Variants in CTNNA2 observed in about 807,000 individuals in gnomAD.
The protein encoded by CTNNA2 is catenin alpha 2, also known as catenin alpha-2.
Under a neutral mutation model 101.0 loss-of-function variants are expected in CTNNA2, and 42 were observed. The observed-to-expected ratio is 0.42, with a 90% confidence interval of 0.32 to 0.54. CTNNA2 has a LOEUF of 0.54. Ranked by LOEUF, CTNNA2 falls within the 20% of genes least tolerant of loss-of-function variation. The pLI is 0.14. For synonymous variants in CTNNA2, 450 were observed against 456.4 expected (o/e 0.99, Z 0.18); for missense variants, 871 against 1,223.1 (o/e 0.71, Z 4.29).
chr2:79,906,182 C>A (rs1382556396), intron 6 of CTNNA2, among the ~76,000 whole-genome samples: 1 of 151,974 alleles, frequency 6.6e-6, no homozygotes, highest in African/African-American at 2.4e-5. Flanking sequence ...CATACTGTAC[C>A]GACCCATTCA....
At chr2:80,223,309 AG>A (rs1284878768) in intron 7 of CTNNA2, among the ~76,000 whole-genome samples, 3 of 152,198 alleles carry the variant, frequency 2.0e-5, no homozygotes, top group Non-Finnish European at 4.4e-5. Flanking sequence ...GGATAGAGGA[AG>A]GGAAGAGAGA....
At chr2:79,311,693 G>C (rs1676378550) in intron 2 of CTNNA2, among the ~76,000 whole-genome samples, 1 of 151,782 alleles carries the variant, frequency 6.6e-6, no homozygotes, top group Admixed American at 6.6e-5. Context: ...ACCCCCACTC[G>C]GTGCTCCCCA....
intron 9 of CTNNA2, among the ~76,000 whole-genome samples, chr2:80,424,006 A>G (rs1380375883): frequency 6.6e-6 from 1 of 151,810 alleles, no homozygotes; most frequent in Non-Finnish European, 1.5e-5. Flanking sequence ...CCTGGGCTGG[A>G]GTGCAGTGGC....
intron 7 of CTNNA2, among the ~76,000 whole-genome samples, chr2:80,281,835 T>C (rs1674406980): frequency 6.6e-6 from 1 of 152,130 alleles, no homozygotes; most frequent in East Asian, 1.9e-4. Flanking sequence ...TATTCTCTAG[T>C]ATATATGGTT....
At chr2:80,603,905 C>T (rs781424173) in intron 15 of CTNNA2, 169 bp from the exon 16 acceptor site, 49 of 515,966 alleles carry the variant, frequency 9.5e-5, no homozygotes, top group African/African-American at 1.8e-4. Context: ...TTTCCAAAAA[C>T]GACTACTAAT....
At chr2:80,067,305 CATATTTCAAAACATCATGTTTTATAT>C (rs1213051776) in intron 7 of CTNNA2, among the ~76,000 whole-genome samples, 12 of 152,126 alleles carry the variant, frequency 7.9e-5, no homozygotes, top group African/African-American at 2.4e-4. Context: ...ACAATGTATA[CATATTTCAAAACATCATGTTTTATAT>C]ATATTTCAAA....
intron 9 of CTNNA2, among the ~76,000 whole-genome samples, chr2:80,455,056 G>C (rs1182476798): frequency 5.5e-5 from 8 of 145,080 alleles, no homozygotes; most frequent in Non-Finnish European, 1.2e-4. Flanking sequence ...TGGACCAAAA[G>C]ACAAGTCCCT....
chr2:80,567,237 C>T (rs1329880214), intron 12 of CTNNA2, among the ~76,000 whole-genome samples: 1 of 125,094 alleles, frequency 8.0e-6, no homozygotes, highest in Non-Finnish European at 1.8e-5. Flanking sequence ...ATGATCATGA[C>T]ATTCGTTACT....
At chr2:80,100,996 G>A (rs1700509159) in intron 7 of CTNNA2, among the ~76,000 whole-genome samples, 1 of 152,126 alleles carries the variant, frequency 6.6e-6, no homozygotes, top group South Asian at 2.1e-4. Context: ...TTTCTCATAA[G>A]CCTCATTAAA....
At chr2:79,551,702 T>C (rs112402460) in intron 1 of CTNNA2, among the ~76,000 whole-genome samples, 2 of 152,110 alleles carry the variant, frequency 1.3e-5, no homozygotes, top group African/African-American at 4.8e-5. Context: ...ACATGAAGTA[T>C]GGCTAGGGAG....
chr2:79,411,061 C>A (rs1678404054), intron 4 of CTNNA2, among the ~76,000 whole-genome samples: 1 of 152,112 alleles, frequency 6.6e-6, no homozygotes, highest in Admixed American at 6.6e-5. Context: ...TTATCCATTT[C>A]TTCTAGATTT....
intron 18 of CTNNA2, among the ~76,000 whole-genome samples, chr2:80,638,324 TG>T (rs3836008): frequency 0.48 from 73,471 of 151,850 alleles, 18,053 homozygotes; most frequent in East Asian, 0.69. Context: ...TTCCCAATTA[TG>T]GGGGGGGTGC....
At chr2:79,555,839 G>A (rs1172704951) in intron 1 of CTNNA2, among the ~76,000 whole-genome samples, 3 of 152,088 alleles carry the variant, frequency 2.0e-5, no homozygotes, top group Non-Finnish European at 4.4e-5. Flanking sequence ...ACTGAGCTGA[G>A]TAAGTAAACA....
chr2:79,738,494 G>A (rs1030723053), intron 2 of CTNNA2, among the ~76,000 whole-genome samples: 6 of 152,190 alleles, frequency 3.9e-5, no homozygotes, highest in African/African-American at 1.4e-4. Flanking sequence ...GATGGTAGTA[G>A]CAGGCTTTTC....
rs60166534 is a variant in CTNNA2 at position 80,256,366 on chromosome 2, C to G, written c.1057-136845C>G. On this transcript the variant is annotated intron_variant, in intron 7 of 18. Transcript: ENST00000402739. ...ACTGATGGGTGTGTTAGTAGCTCCTCTGTGCTGCTTTCATCTCCCTGGATG... is the reference window on the plus strand; with the variant it reads ...ACTGATGGGTGTGTTAGTAGCTCCTGTGTGCTGCTTTCATCTCCCTGGATG... Among the ~76,000 whole-genome samples, 657 of 152,254 alleles carry G rather than the reference C, an allele frequency of 4.3e-3. 4 individuals are homozygous for G. The highest frequency in any genetic ancestry group is 0.013 in the African/African-American group (558 of 41,566).
At chr2:79,494,979 T>C (rs1352449317) in intron 4 of CTNNA2, among the ~76,000 whole-genome samples, 2 of 152,002 alleles carry the variant, frequency 1.3e-5, no homozygotes, top group Non-Finnish European at 2.9e-5. Context: ...TGCAGGCGCC[T>C]GTAGTCCCAG....
chr2:80,587,950 A>G (rs1696119737), intron 14 of CTNNA2, among the ~76,000 whole-genome samples: 1 of 152,120 alleles, frequency 6.6e-6, no homozygotes, highest in East Asian at 1.9e-4. Flanking sequence ...GATTCTCATT[A>G]CTCCTGATAG....
chr2:80,063,633 C>T (rs1697764818), intron 7 of CTNNA2, among the ~76,000 whole-genome samples: 1 of 152,190 alleles, frequency 6.6e-6, no homozygotes, highest in South Asian at 2.1e-4. Flanking sequence ...AATGCATACA[C>T]CCTTGAAACT....
At chr2:79,391,100 C>A (rs11690487) in intron 4 of CTNNA2, among the ~76,000 whole-genome samples, 1 of 152,064 alleles carries the variant, frequency 6.6e-6, no homozygotes, top group Non-Finnish European at 1.5e-5. Flanking sequence ...TGCCTTCCTC[C>A]GGATTCTGCA....
Sources: allele counts gnomAD v4.1 joint callset (sites outside exome capture counted in the v4.1 genomes callset), GRCh38; gene constraint gnomAD v4.1.1; transcripts MANE v1.5; gene names NCBI Gene and HGNC (gene_info 2026-07-23, HGNC 2026-07-21).